PI4K2A: variants seen among roughly 807,000 people sequenced by gnomAD.
The protein encoded by PI4K2A is phosphatidylinositol 4-kinase type 2-alpha.
PI4K2A carries 20 observed loss-of-function variants against 55.0 expected under a neutral mutation model. The ratio of observed to expected loss-of-function variants is 0.36; its 90% CI spans 0.26 to 0.53. The LOEUF (loss-of-function observed/expected upper bound fraction) is 0.53, where lower values mean the gene tolerates loss of function less well. Ranked by LOEUF, PI4K2A falls within the 20% of genes least tolerant of loss-of-function variation. PI4K2A has a pLI of 0.91. For missense variants in PI4K2A, 463 were observed against 637.1 expected, an observed-to-expected ratio of 0.73 and a Z score of 2.94; for synonymous variants, 235 against 258.5, an observed-to-expected ratio of 0.91 and a Z score of 0.87.
intron 8 of PI4K2A, among the ~76,000 whole-genome samples, chr10:97,672,848 A>T (rs942072472): frequency 6.2e-5 from 9 of 146,014 alleles, no homozygotes; most frequent in African/African-American, 2.3e-4. Flanking sequence ...TCTTATGCCC[A>T]GCCTCCCAAG....
intron 5 of PI4K2A, among the ~76,000 whole-genome samples, chr10:97,663,237 C>T (rs2041594967): frequency 6.6e-6 from 1 of 152,170 alleles, no homozygotes; most frequent in Admixed American, 6.6e-5. Context: ...TCTTATTGCA[C>T]AGTAGCATAG....
chr10:97,653,240 T>C (rs2041537789), intron 2 of PI4K2A, among the ~76,000 whole-genome samples: 1 of 152,260 alleles, frequency 6.6e-6, no homozygotes, highest in African/African-American at 2.4e-5. Context: ...TTGGTGCTTC[T>C]GGAGTGTGGT....
At chr10:97,648,498 C>A (rs899120265) in intron 1 of PI4K2A, among the ~76,000 whole-genome samples, 5 of 152,198 alleles carry the variant, frequency 3.3e-5, no homozygotes, top group African/African-American at 1.2e-4. Flanking sequence ...TAGGCATGAG[C>A]CACCATGCCC....
chr10:97,661,100 T>A (rs2041580840), intron 4 of PI4K2A, among the ~76,000 whole-genome samples: 1 of 152,114 alleles, frequency 6.6e-6, no homozygotes, highest in Non-Finnish European at 1.5e-5. Context: ...CACACCATTC[T>A]CCTGCCTCAG....
At chr10:97,670,337 C>T (rs1486652997) in intron 8 of PI4K2A, among the ~76,000 whole-genome samples, 1 of 152,114 alleles carries the variant, frequency 6.6e-6, no homozygotes, top group Non-Finnish European at 1.5e-5. Context: ...TTATCTTCAG[C>T]TTTTTAATTT....
At chr10:97,643,402 C>T (rs1377119354) in intron 1 of PI4K2A, among the ~76,000 whole-genome samples, 1 of 151,836 alleles carries the variant, frequency 6.6e-6, no homozygotes, top group Non-Finnish European at 1.5e-5. Flanking sequence ...TTTCATGACA[C>T]TGTTAGAGCT....
intron 1 of PI4K2A, among the ~76,000 whole-genome samples, chr10:97,641,763 G>A (rs2041471002): frequency 6.6e-6 from 1 of 152,176 alleles, no homozygotes; most frequent in South Asian, 2.1e-4. Flanking sequence ...CTGGGAAAGG[G>A]TTCAAATACT....
chr10:97,657,668 CAAAA>C (rs35230006), intron 4 of PI4K2A, among the ~76,000 whole-genome samples: 35 of 122,138 alleles, frequency 2.9e-4, no homozygotes, highest in Non-Finnish European at 5.7e-4. Context: ...ACTCTGTTTC[CAAAA>C]AAAAAAAAAA....
At chr10:97,666,976 C>T in intron 7 of PI4K2A, 85 bp from the exon 8 acceptor site, 1 of 1,051,600 alleles carries the variant, frequency 9.5e-7, no homozygotes, top group Non-Finnish European at 1.5e-6. Flanking sequence ...GGTTTTCCTT[C>T]TTAGAAAGTT....
At chr10:97,655,369 CAA>C (rs61219001) in intron 2 of PI4K2A, among the ~76,000 whole-genome samples, 28 of 67,744 alleles carry the variant, frequency 4.1e-4, no homozygotes, top group Admixed American at 6.9e-4. Flanking sequence ...GACTCTGTCT[CAA>C]AAAAAAAAAA....
chr10:97,673,503 T>C, intron 8 of PI4K2A, 78 bp from the exon 9 acceptor site: 1 of 1,203,544 alleles, frequency 8.3e-7, no homozygotes, highest in South Asian at 1.4e-5. Context: ...GTAGGCGTCC[T>C]CTCTACTGAT....
chr10:97,667,234 G>A (rs749986917), intron 8 of PI4K2A, 114 bp downstream of exon 8: 13 of 720,628 alleles, frequency 1.8e-5, no homozygotes, highest in Admixed American at 6.9e-5. Context: ...TTTTGAGACC[G>A]AGTCTCACTC....
chr10:97,658,250 ACTACT>A (rs1237434194), intron 4 of PI4K2A, among the ~76,000 whole-genome samples: 2 of 152,164 alleles, frequency 1.3e-5, no homozygotes, highest in Non-Finnish European at 2.9e-5. Context: ...TATGATTTTG[ACTACT>A]CTAAGTACCT....
chr10:97,648,019 T>C (rs1204341283), intron 1 of PI4K2A, among the ~76,000 whole-genome samples: 1 of 151,662 alleles, frequency 6.6e-6, no homozygotes, highest in Non-Finnish European at 1.5e-5. Flanking sequence ...ACTGCAGCCT[T>C]GATCTCCTAG....
intron 4 of PI4K2A, among the ~76,000 whole-genome samples, chr10:97,659,609 A>G (rs977871006): frequency 1.3e-5 from 2 of 151,890 alleles, no homozygotes; most frequent in African/African-American, 2.4e-5. Context: ...AAACCTTGCA[A>G]TCTTTCACCA....
At position 97,672,725 on chromosome 10, in the gene PI4K2A, CTTTTTTTTTTT is replaced by C. The variant is rs146627600; in HGVS notation, c.1279-842_1279-832del. On this transcript the variant is annotated intron_variant, in intron 8 of 8. Coordinates refer to ENST00000370631, the Ensembl canonical transcript of PI4K2A. ...GAATTGCCGAGTCAGAGGGTCTGTT[CTTTTTTTTTTT>C]TTTTTTTTTTTTTGAGACAGGGTCT... Among the ~76,000 whole-genome samples the C allele has an allele frequency of 1.3e-4, 11 of 83,978 alleles. No individual in the cohort carries two copies. The Admixed American group carries it at 1.5e-3, about 11-fold the overall frequency. 55.1% of individuals were successfully genotyped at this position (83,978 alleles called of 152,430 possible).
At chr10:97,660,206 T>C (rs1306910533) in intron 4 of PI4K2A, among the ~76,000 whole-genome samples, 2 of 150,754 alleles carry the variant, frequency 1.3e-5, no homozygotes, top group Non-Finnish European at 2.9e-5. Context: ...TTTCACCGTG[T>C]TAGCCAGGAT....
chr10:97,666,438 A>T, exon 7 of PI4K2A: 1 of 1,612,102 alleles, frequency 6.2e-7, no homozygotes, highest in Non-Finnish European at 8.5e-7. Context: ...CTCTTTTCAG[A>T]TCCTTTTTAC....
chr10:97,649,758 G>A (rs1268621090), intron 1 of PI4K2A, among the ~76,000 whole-genome samples: 3 of 151,388 alleles, frequency 2.0e-5, no homozygotes, highest in Non-Finnish European at 2.9e-5. Flanking sequence ...CGGGTAGCTG[G>A]GATTACAGGT....
Sources: gnomAD v4.1 joint callset for allele counts (sites outside exome capture counted in the v4.1 genomes callset) on GRCh38, gnomAD v4.1.1 for gene constraint, MANE v1.5 for transcripts, NCBI Gene and HGNC (gene_info 2026-07-23, HGNC 2026-07-21) for gene names.